Variants in SLC16A7 observed in about 807,000 individuals in gnomAD.
SLC16A7 encodes monocarboxylate transporter 2.
A neutral mutation model predicts 34.9 loss-of-function variants in SLC16A7; 33 were observed. The ratio of observed to expected loss-of-function variants is 0.94; its 90% CI spans 0.72 to 1.26. The LOEUF (loss-of-function observed/expected upper bound fraction) is 1.26. Ranked by LOEUF, SLC16A7 falls within the 50% of genes most tolerant of loss-of-function variation. The pLI, the probability that SLC16A7 is intolerant of heterozygous loss-of-function variation, is 0.00. For missense variants in SLC16A7, 573 were observed against 578.1 expected (o/e 0.99, Z 0.09); for synonymous variants, 201 against 206.6 (o/e 0.97, Z 0.23).
chr12:59,601,353 A>G (rs935850210), intron 1 of SLC16A7, among the ~76,000 whole-genome samples: 1 of 152,236 alleles, frequency 6.6e-6, no homozygotes, highest in Non-Finnish European at 1.5e-5. Flanking sequence ...AGAATAAAAA[A>G]TAAAACTACA....
chr12:59,777,568 G>T (rs912602181), intron 5 of SLC16A7, among the ~76,000 whole-genome samples: 8 of 151,786 alleles, frequency 5.3e-5, no homozygotes, highest in Non-Finnish European at 1.0e-4. Context: ...GTTTCTTGAT[G>T]ATGCTAAAAA....
chr12:59,637,146 A>G (rs977249065), intron 1 of SLC16A7, among the ~76,000 whole-genome samples: 2 of 152,090 alleles, frequency 1.3e-5, no homozygotes, highest in Non-Finnish European at 2.9e-5. Flanking sequence ...GCTTTTAGTA[A>G]AAGAAGCAGT....
chr12:59,686,645 G>A (rs996159944), intron 2 of SLC16A7, among the ~76,000 whole-genome samples: 8 of 151,904 alleles, frequency 5.3e-5, no homozygotes. Context: ...AGTACCATCG[G>A]TTCTTTATAA....
chr12:59,703,700 C>G (rs1442388979), intron 2 of SLC16A7, among the ~76,000 whole-genome samples: 1 of 152,012 alleles, frequency 6.6e-6, no homozygotes, highest in Admixed American at 6.6e-5. Context: ...CAGCCTTGAA[C>G]TACTGGGTGA....
Position 59,671,915 on chromosome 12 carries a change from A to G in SLC16A7, c.-31+16665A>G, listed in dbSNP as rs1222648849. Among the ~76,000 whole-genome samples the G allele has an allele frequency of 4.8e-5, 3 of 62,396 alleles. 1 individual carries two copies. The highest frequency in any genetic ancestry group is 2.1e-4 in the African/African-American group (3 of 14,118). 40.9% of individuals were successfully genotyped at this position (62,396 alleles called of 152,430 possible). The stretch of plus-strand genomic sequence containing the variant: ...TACATATGTATATATACATATATGT[A>G]TATATGTATATATCCATATATGTAT... On this transcript the variant is annotated intron_variant, in intron 2 of 5. Transcript: ENST00000547379.
intron 2 of SLC16A7, among the ~76,000 whole-genome samples, chr12:59,678,293 C>A (rs1423665615): frequency 1.3e-5 from 2 of 152,120 alleles, no homozygotes; most frequent in Non-Finnish European, 2.9e-5. Context: ...GAGTTTTTGT[C>A]CTGTGTCCAG....
intron 3 of SLC16A7, among the ~76,000 whole-genome samples, chr12:59,738,818 C>A (rs1317097503): frequency 2.7e-5 from 4 of 150,550 alleles, no homozygotes; most frequent in Non-Finnish European, 5.9e-5. Flanking sequence ...TTTTTGTTTT[C>A]TATCCTCAAA....
At chr12:59,743,449 T>C (rs1031710727) in intron 3 of SLC16A7, among the ~76,000 whole-genome samples, 3 of 152,206 alleles carry the variant, frequency 2.0e-5, no homozygotes, top group African/African-American at 7.2e-5. Flanking sequence ...ATTTTTAGCA[T>C]TTATATAAAT....
Position 59,788,921 on chromosome 12 carries a change from T to G in SLC16A7, c.*9242T>G, listed in dbSNP as rs541357271. On this transcript the variant is annotated 3_prime_UTR_variant, in exon 6 of 6. Coordinates refer to ENST00000547379, the MANE Select transcript of SLC16A7 (RefSeq NM_001270623.2). ...CCTAATTTGTTTTTCAGCACACTTGTTTAAGTTCTTGCCTTTCAGGTATAC... is the reference window on the plus strand; with the variant it reads ...CCTAATTTGTTTTTCAGCACACTTGGTTAAGTTCTTGCCTTTCAGGTATAC... The G allele has an allele frequency of 3.0e-4, 45 of 152,206 alleles. No individual in the cohort carries two copies. The highest frequency in any genetic ancestry group is 1.0e-3 in the African/African-American group (43 of 41,570). The allele number at this position is 152,206 out of a possible 1,614,324, so 9.4% of individuals were successfully genotyped here.
At chr12:59,653,064 A>G (rs1868372540) in intron 1 of SLC16A7, among the ~76,000 whole-genome samples, 1 of 151,880 alleles carries the variant, frequency 6.6e-6, no homozygotes, top group Admixed American at 6.6e-5. Context: ...TTAGCCCACA[A>G]ACATATAACT....
intron 2 of SLC16A7, among the ~76,000 whole-genome samples, chr12:59,676,566 C>T (rs1007409579): frequency 6.6e-6 from 1 of 151,792 alleles, no homozygotes; most frequent in African/African-American, 2.4e-5. Context: ...TTAGGTACAG[C>T]CCCCACTAAC....
intron 1 of SLC16A7, among the ~76,000 whole-genome samples, chr12:59,653,576 A>C (rs187351981): frequency 1.8e-3 from 267 of 151,762 alleles, no homozygotes; most frequent in Non-Finnish European, 3.4e-3. Context: ...AATTTTGTGA[A>C]GTATATCTTA....
intron 1 of SLC16A7, among the ~76,000 whole-genome samples, chr12:59,641,370 T>C (rs1880678311): frequency 6.6e-6 from 1 of 152,122 alleles, no homozygotes; most frequent in South Asian, 2.1e-4. Flanking sequence ...TTATACATGG[T>C]ATGCATTCAT....
At chr12:59,701,248 T>A (rs1488094946) in intron 2 of SLC16A7, among the ~76,000 whole-genome samples, 2 of 151,770 alleles carry the variant, frequency 1.3e-5, no homozygotes, top group East Asian at 1.9e-4. Flanking sequence ...CCTTGTAAAC[T>A]AAATATAGTT....
intron 2 of SLC16A7, 81 bp downstream of exon 2, chr12:59,655,331 A>G (rs896230085): frequency 1.3e-5 from 2 of 151,936 alleles, no homozygotes; most frequent in Non-Finnish European, 1.5e-5. Context: ...GGTAAATCTT[A>G]ATGTGAATGG....
chr12:59,619,672 C>T (rs896707585), intron 1 of SLC16A7, among the ~76,000 whole-genome samples: 2 of 151,866 alleles, frequency 1.3e-5, no homozygotes, highest in African/African-American at 2.4e-5. Context: ...CTGAGTATGC[C>T]AGAGGTTATG....
intron 3 of SLC16A7, among the ~76,000 whole-genome samples, chr12:59,728,256 A>G (rs1294834018): frequency 1.3e-5 from 2 of 152,156 alleles, no homozygotes; most frequent in East Asian, 3.9e-4. Flanking sequence ...GTGGAAGAGC[A>G]TGGGCACTCA....
intron 1 of SLC16A7, among the ~76,000 whole-genome samples, chr12:59,631,142 T>G (rs1342285174): frequency 1.3e-5 from 2 of 151,998 alleles, no homozygotes; most frequent in Non-Finnish European, 2.9e-5. Context: ...TTACATATAC[T>G]ACAAGGTTCT....
intron 2 of SLC16A7, among the ~76,000 whole-genome samples, chr12:59,657,179 T>C (rs538853086): frequency 6.6e-6 from 1 of 152,100 alleles, no homozygotes; most frequent in South Asian, 2.1e-4. Context: ...TATCCAAAAC[T>C]TTGGGATGAG....
Sources: allele counts gnomAD v4.1 joint callset (sites outside exome capture counted in the v4.1 genomes callset), GRCh38; gene constraint gnomAD v4.1.1; transcripts MANE v1.5; gene names NCBI Gene and HGNC (gene_info 2026-07-23, HGNC 2026-07-21).